ANKS1B: variants seen among roughly 807,000 people sequenced by gnomAD.
The protein encoded by ANKS1B is ankyrin repeat and sterile alpha motif domain-containing protein 1B.
Under a neutral mutation model 148.3 loss-of-function variants are expected in ANKS1B, and 36 were observed. That is an observed-to-expected ratio of 0.24 (90% CI 0.19 to 0.32). The LOEUF (loss-of-function observed/expected upper bound fraction) is 0.32, where lower values mean the gene tolerates loss of function less well. ANKS1B is among the 10% of genes least tolerant of loss of function. The probability of loss-of-function intolerance (pLI) is 1.00; values close to 1 mark genes in which losing one functional copy is unlikely to be tolerated. For synonymous variants in ANKS1B, 542 were observed against 560.8 expected, an observed-to-expected ratio of 0.97 and a Z score of 0.47; for missense variants, 1,157 against 1,542.6, an observed-to-expected ratio of 0.75 and a Z score of 4.19.
intron 17 of ANKS1B, among the ~76,000 whole-genome samples, chr12:98,939,501 A>T (rs895104328): frequency 2.0e-5 from 3 of 152,224 alleles, no homozygotes; most frequent in African/African-American, 7.2e-5. Flanking sequence ...CATGTGTTAC[A>T]AATCACACCA....
intron 1 of ANKS1B, among the ~76,000 whole-genome samples, chr12:99,968,315 T>C (rs1346837043): frequency 1.3e-5 from 2 of 152,078 alleles, no homozygotes; most frequent in African/African-American, 2.4e-5. Flanking sequence ...CCCAGCACTT[T>C]GGGAGGCCGA....
intron 13 of ANKS1B, among the ~76,000 whole-genome samples, chr12:99,245,311 A>T (rs555748642): frequency 6.6e-6 from 1 of 152,326 alleles, no homozygotes; most frequent in South Asian, 2.1e-4. Flanking sequence ...TATTCACTAA[A>T]TTAATAAATA....
At chr12:98,993,432 G>A (rs917214801) in intron 17 of ANKS1B, among the ~76,000 whole-genome samples, 4 of 152,236 alleles carry the variant, frequency 2.6e-5, no homozygotes, top group Non-Finnish European at 5.9e-5. Context: ...GCCTCCCAAA[G>A]TGCTGGGATT....
intron 14 of ANKS1B, among the ~76,000 whole-genome samples, chr12:99,242,964 A>G (rs961923438): frequency 2.6e-5 from 4 of 152,224 alleles, no homozygotes; most frequent in Non-Finnish European, 5.9e-5. Flanking sequence ...AGGCAATACC[A>G]TTCAGGACAT....
intron 15 of ANKS1B, among the ~76,000 whole-genome samples, chr12:99,126,832 C>A (rs926856992): frequency 6.6e-6 from 1 of 152,060 alleles, no homozygotes; most frequent in South Asian, 2.1e-4. Context: ...CCCTTCTTAT[C>A]GATTAAGAGT....
chr12:99,779,889 T>C lies in ANKS1B; in HGVS notation c.829A>G (p.Ile277Val). Residue 277 changes from isoleucine to valine, a missense_variant, in exon 6 of 27, where the codon ATT becomes GTT. By Grantham distance (29) the Ile-to-Val change is conservative. Around this residue, in one of 6 missense-constraint regions of ANKS1B, gnomAD observed 661 missense variants for 642.1 expected, o/e 1.03. Coordinates refer to ENST00000683438, the MANE Select transcript of ANKS1B (RefSeq NM_001352186.2). ...TGTTTACCTTGTAAGAGTGTTGCAA[T>C]CTGGAGAGATTTCTGAGATGGATGT... ...KEHPSQKSLQ[I>V]ATLLQEYLEG... 1 of 1,612,918 alleles carries C rather than the reference T, an allele frequency of 6.2e-7. No homozygotes were observed. The highest frequency in any genetic ancestry group is 8.5e-7 in the Non-Finnish European group (1 of 1,179,274).
intron 15 of ANKS1B, among the ~76,000 whole-genome samples, chr12:99,100,323 T>C (rs981371109): frequency 3.3e-5 from 5 of 152,204 alleles, no homozygotes; most frequent in African/African-American, 9.7e-5. Context: ...GGCTTCTTTA[T>C]TCATTGACTT....
Position 98,751,376 on chromosome 12 carries a change from G to A in ANKS1B, c.3726C>T (p.Arg1242=), listed in dbSNP as rs369534902. The A allele has an allele frequency of 1.4e-5, 23 of 1,613,698 alleles. No homozygotes were observed. Among genetic ancestry groups the A allele is most frequent in the East Asian group, 6.7e-5 (3 of 44,898 alleles). Residue 1242 remains arginine, a synonymous_variant, in exon 26 of 27, where the codon CGC becomes CGT. Transcript: ENST00000683438. This position sits in a 1 kb window ranked among gnomAD's most constrained non-coding sequence, Gnocchi z 4.3. ...NKPSKPIPKP[R]VSIRKSVQID... ...TTACCACGGACTTGCGAATGCTAAC[G>A]CGGGGCTTGGGGATGGGTTTGGAGG...
chr12:99,846,759 T>G (rs1030191193), intron 1 of ANKS1B, among the ~76,000 whole-genome samples: 2 of 152,142 alleles, frequency 1.3e-5, no homozygotes, highest in African/African-American at 4.8e-5. Context: ...TGGAATATGA[T>G]TCATCCACCC....
intron 8 of ANKS1B, among the ~76,000 whole-genome samples, chr12:99,681,183 T>C (rs1456076574): frequency 6.6e-6 from 1 of 152,206 alleles, no homozygotes; most frequent in Non-Finnish European, 1.5e-5. Flanking sequence ...CCCTATACTA[T>C]GCAGTTGATC....
chr12:98,909,991 G>C (rs1421504750), intron 17 of ANKS1B, among the ~76,000 whole-genome samples: 2 of 152,228 alleles, frequency 1.3e-5, no homozygotes, highest in African/African-American at 4.8e-5. Context: ...AGCAGACCAG[G>C]TGCTGATCCA....
At chr12:99,173,499 T>C (rs1354715805) in intron 14 of ANKS1B, among the ~76,000 whole-genome samples, 1 of 152,138 alleles carries the variant, frequency 6.6e-6, no homozygotes, top group African/African-American at 2.4e-5. Flanking sequence ...ATGCAGGAAA[T>C]TTAATTTATT....
chr12:98,884,801 G>A lies in ANKS1B; in HGVS notation c.2779-52665C>T, dbSNP rs1400226942. ...GACCTGGGCGACAGAGCGAGACTCC[G>A]TCTCAAAAAAAAAAAAAAAAAAAAG... On this transcript the variant is annotated intron_variant, in intron 17 of 26. Transcript: ENST00000683438. Among the ~76,000 whole-genome samples the A allele has an allele frequency of 6.7e-5, 7 of 103,940 alleles. No homozygotes were observed. The East Asian group carries it at 1.1e-3, about 17-fold the overall frequency. The allele number at this position is 103,940 out of a possible 152,430, so 68.2% of individuals were successfully genotyped here. A position where few individuals can be genotyped will look rare whatever the true frequency, so the allele number is the denominator to read the frequency against.
Position 99,423,454 on chromosome 12 carries a change from T to C in ANKS1B, c.1575+20219A>G, listed in dbSNP as rs142428951. 5.3e-3 allele frequency among the ~76,000 whole-genome samples: 805 copies of C among 152,152 alleles called. 13 individuals carry two copies. The highest frequency in any genetic ancestry group is 0.039 in the South Asian group (186 of 4,816). The stretch of plus-strand genomic sequence containing the variant: ...TTCCTCAAAGACCTAAAAACAGAAA[T>C]ACCTTTCAACCCAGCAATCGCATTA... On this transcript the variant is annotated intron_variant, in intron 11 of 26. Coordinates refer to ENST00000683438, the MANE Select transcript of ANKS1B (RefSeq NM_001352186.2).
intron 10 of ANKS1B, 34 bp downstream of exon 10, chr12:99,504,442 T>C: frequency 6.3e-7 from 1 of 1,591,506 alleles, no homozygotes; most frequent in Non-Finnish European, 8.5e-7. Context: ...AGCAAGTAAA[T>C]TGAATCAGGC....
intron 10 of ANKS1B, among the ~76,000 whole-genome samples, chr12:99,472,814 A>G (rs887272881): frequency 2.6e-5 from 4 of 152,198 alleles, no homozygotes; most frequent in Admixed American, 2.6e-4. Context: ...AAAATAAGAT[A>G]TATATTTGCT....
At chr12:99,330,239 T>C (rs984308705) in intron 12 of ANKS1B, among the ~76,000 whole-genome samples, 3 of 152,048 alleles carry the variant, frequency 2.0e-5, no homozygotes, top group Non-Finnish European at 4.4e-5. Flanking sequence ...TCAGTTATAC[T>C]TGAGCCCATT....
At chr12:99,755,610 A>C (rs1159608452) in intron 8 of ANKS1B, among the ~76,000 whole-genome samples, 1 of 143,666 alleles carries the variant, frequency 7.0e-6, no homozygotes, top group Non-Finnish European at 1.5e-5. Flanking sequence ...AAAAAAAAAA[A>C]AAACTGACAA....
At chr12:98,795,573 T>C (rs1360615324) in intron 22 of ANKS1B, 1 of 435,562 alleles carries the variant, frequency 2.3e-6, no homozygotes, top group African/African-American at 2.1e-5. Flanking sequence ...AAAGTTATTA[T>C]GTGGTTTTCT....
Sources: gnomAD v4.1 joint callset for allele counts (sites outside exome capture counted in the v4.1 genomes callset) on GRCh38, gnomAD v4.1.1 for gene constraint, gnomAD v4.1.1 regional missense constraint, Gnocchi (gnomAD v3.1) non-coding constraint, MANE v1.5 for transcripts, NCBI Gene and HGNC (gene_info 2026-07-23, HGNC 2026-07-21) for gene names.